Variants in RASGRP1 observed in about 807,000 individuals in gnomAD.
The protein encoded by RASGRP1 is RAS guanyl-releasing protein 1.
A neutral mutation model predicts 95.1 loss-of-function variants in RASGRP1; 37 were observed. The observed-to-expected ratio is 0.39, with a 90% CI of 0.30 to 0.51. The LOEUF (loss-of-function observed/expected upper bound fraction) is 0.51, where lower values mean the gene tolerates loss of function less well. Among genes scored for constraint, RASGRP1 ranks in the 20% least tolerant of loss-of-function variants. The probability of loss-of-function intolerance (pLI) is 0.80; values close to 1 mark genes in which losing one functional copy is unlikely to be tolerated. For synonymous variants in RASGRP1, 325 were observed against 353.4 expected (o/e 0.92, Z 0.90); for missense variants, 711 against 965.4 (o/e 0.74, Z 3.49).
chr15:38,555,119 T>C (rs1402220838), intron 2 of RASGRP1, among the ~76,000 whole-genome samples: 6 of 152,206 alleles, frequency 3.9e-5, no homozygotes, highest in Admixed American at 3.9e-4. Flanking sequence ...TGGCCCTGAG[T>C]GTGTGTTTGC....
chr15:38,516,647 T>C (rs1029193632), intron 5 of RASGRP1, among the ~76,000 whole-genome samples: 7 of 151,966 alleles, frequency 4.6e-5, no homozygotes, highest in African/African-American at 1.7e-4. Context: ...TCAGTTTCCT[T>C]GCCTTTGGTC....
At chr15:38,511,006 A>G (rs1891489280) in intron 8 of RASGRP1, among the ~76,000 whole-genome samples, 1 of 152,236 alleles carries the variant, frequency 6.6e-6, no homozygotes, top group Admixed American at 6.5e-5. Flanking sequence ...GTCATAAAAG[A>G]TAAAAGTATA....
At position 38,516,251 on chromosome 15, in the gene RASGRP1, T is replaced by G. The variant is rs1161641679; in HGVS notation, c.621A>C (p.Glu207Asp). Reference sequence around the variant, plus strand: ...GGTAGGTGAGGTGCTCGGATAGCTCTTCTGGTTCCAGATGGTCAAAGAGCA... The same window carrying G: ...GGTAGGTGAGGTGCTCGGATAGCTCGTCTGGTTCCAGATGGTCAAAGAGCA... ...VSLLFDHLEP[E>D]ELSEHLTYLE... is the part of the protein sequence containing the mutation. The change falls in exon 6 of 17, where the codon GAA (glutamate) becomes GAC (aspartate). Residue 207 changes from glutamate to aspartate, a missense_variant. This residue lies in a region of RASGRP1 where 491 missense variants were observed against 676.6 expected (regional missense o/e 0.73). Coordinates refer to ENST00000310803, the MANE Select transcript of RASGRP1 (RefSeq NM_005739.4). 6.2e-7 allele frequency: 1 copy of G among 1,602,914 alleles called. No homozygotes were observed. The highest frequency in any genetic ancestry group is 1.7e-5 in the Admixed American group (1 of 59,978).
chr15:38,494,441 T>G lies in RASGRP1; in HGVS notation c.2200A>C (p.Ile734Leu), dbSNP rs1566907311. ...TGACGGAGCTCCTCCTTTGATTTTA[T>G]GAGGGAGTCTTTATTCTCCCACTTG... ...FVKWENKDSL[I>L]KSKEELRHLR... Residue 734 changes from isoleucine (I) to leucine (L), a missense_variant, in exon 16 of 17, where the codon ATA (isoleucine) becomes CTA (leucine). This residue lies in a region of RASGRP1 where 212 missense variants were observed against 247.8 expected (regional missense o/e 0.86). Coordinates refer to ENST00000310803, the MANE Select transcript of RASGRP1 (RefSeq NM_005739.4). 1 of 1,613,636 alleles carries G rather than the reference T, an allele frequency of 6.2e-7. No homozygotes were observed. The highest frequency in any genetic ancestry group is 2.2e-5 in the East Asian group (1 of 44,856).
intron 2 of RASGRP1, among the ~76,000 whole-genome samples, chr15:38,550,998 A>G (rs927043409): frequency 6.6e-6 from 1 of 152,234 alleles, no homozygotes; most frequent in African/African-American, 2.4e-5. Flanking sequence ...GAACTAAATG[A>G]GACTACATAT....
intron 14 of RASGRP1, among the ~76,000 whole-genome samples, chr15:38,499,840 G>A (rs965492110): frequency 6.6e-6 from 1 of 152,172 alleles, no homozygotes; most frequent in Non-Finnish European, 1.5e-5. Flanking sequence ...GATAGTGAGT[G>A]ACTGCTCATG....
chr15:38,549,890 G>T (rs1157713059), intron 2 of RASGRP1, among the ~76,000 whole-genome samples: 2 of 152,016 alleles, frequency 1.3e-5, no homozygotes, highest in African/African-American at 2.4e-5. Context: ...CTGTGCTGCT[G>T]AAGAATCACA....
chr15:38,501,891 G>C (rs924913299), intron 12 of RASGRP1, among the ~76,000 whole-genome samples: 8 of 143,164 alleles, frequency 5.6e-5, no homozygotes, highest in African/African-American at 1.8e-4. Flanking sequence ...TTTTGCTCTT[G>C]TGGCCCAGGC....
intron 8 of RASGRP1, among the ~76,000 whole-genome samples, chr15:38,511,162 C>T (rs1032313565): frequency 3.3e-5 from 5 of 152,188 alleles, no homozygotes; most frequent in South Asian, 2.1e-4. Flanking sequence ...TGTCATTCTT[C>T]AAGGGTTCTG....
At position 38,546,480 on chromosome 15, in the gene RASGRP1, C is replaced by T. The variant is rs1332165853; in HGVS notation, c.220+13341G>A. 4.6e-5 allele frequency among the ~76,000 whole-genome samples: 7 copies of T among 152,128 alleles called. No homozygotes were observed. In the East Asian group the frequency reaches 7.7e-4, roughly 17 times the overall value. Reference sequence around the variant, plus strand: ...TGACCTCACGATTCGCCTGCCACCTCGGCCTCCCAAAGTGCTGGGATTACA... The same window carrying T: ...TGACCTCACGATTCGCCTGCCACCTTGGCCTCCCAAAGTGCTGGGATTACA... On this transcript the variant is annotated intron_variant, in intron 2 of 16. Transcript: ENST00000310803.
chr15:38,515,910 A>AGAGTGTGTGTGT lies in RASGRP1; in HGVS notation c.675+286_675+287insACACACACACTC, dbSNP rs779224083. On this transcript the variant is annotated intron_variant, in intron 6 of 16. Transcript: ENST00000310803. ...GACAGAGAGAGAGAGAGAGAGAGAG[A>AGAGTGTGTGTGT]GTGTGTGTGTGTGTGTGTGATGTGT... Among the ~76,000 whole-genome samples the AGAGTGTGTGTGT allele has an allele frequency of 4.8e-4, 69 of 143,456 alleles. 3 individuals are homozygous for AGAGTGTGTGTGT. Among genetic ancestry groups the AGAGTGTGTGTGT allele is most frequent in the Non-Finnish European group, 1.4e-4 (9 of 65,902 alleles). The allele number at this position is 143,456 out of a possible 152,430, so 94.1% of individuals were successfully genotyped here.
chr15:38,554,937 G>A (rs901768696), intron 2 of RASGRP1, among the ~76,000 whole-genome samples: 4 of 152,190 alleles, frequency 2.6e-5, no homozygotes, highest in African/African-American at 9.7e-5. Flanking sequence ...CACTACAACT[G>A]ACTTTGTTCC....
chr15:38,499,184 T>A lies in RASGRP1; in HGVS notation c.1721-238A>T, dbSNP rs1354206101. 3.0e-5 allele frequency: 20 copies of A among 660,784 alleles called. No individual in the cohort carries two copies. In the East Asian group the frequency reaches 6.1e-4, roughly 20 times the overall value. The allele number at this position is 660,784 out of a possible 1,614,324, so 40.9% of individuals were successfully genotyped here. A position where few individuals can be genotyped will look rare whatever the true frequency, so the allele number is the denominator to read the frequency against. ...CAGCATCAGAAGCAGTATCCTGATA[T>A]CTTGGAGGGAAGAGATGGTGTCCTG... On this transcript the variant is annotated intron_variant, in intron 14 of 16. Coordinates refer to ENST00000310803, the MANE Select transcript of RASGRP1 (RefSeq NM_005739.4).
intron 7 of RASGRP1, 110 bp from the exon 8 acceptor site, chr15:38,511,830 A>G: frequency 1.4e-6 from 1 of 727,568 alleles, no homozygotes; most frequent in Non-Finnish European, 2.4e-6. Context: ...ACGCTGGTTA[A>G]AGACTAGTTA....
intron 3 of RASGRP1, among the ~76,000 whole-genome samples, chr15:38,523,634 CCT>C (rs951843758): frequency 1.3e-5 from 2 of 152,162 alleles, no homozygotes; most frequent in African/African-American, 2.4e-5. Context: ...ACCACTCACC[CCT>C]GACTACCCAG....
At chr15:38,555,627 C>T (rs1200608297) in intron 2 of RASGRP1, among the ~76,000 whole-genome samples, 1 of 152,098 alleles carries the variant, frequency 6.6e-6, no homozygotes, top group Non-Finnish European at 1.5e-5. Context: ...TTTCAGTTCT[C>T]AAAGGTTTAT....
Position 38,560,015 on chromosome 15 carries a change from G to C in RASGRP1, c.36-10C>G, listed in dbSNP as rs767360335. On this transcript the variant is annotated splice_polypyrimidine_tract_variant and intron_variant, in intron 1 of 16. Coordinates refer to ENST00000310803, the MANE Select transcript of RASGRP1 (RefSeq NM_005739.4). ...GCCATGGGAAGGTTTCCTGGGGAAAGAGAGAAGGCAGTGAGGGGACAAACG... is the reference window on the plus strand; with the variant it reads ...GCCATGGGAAGGTTTCCTGGGGAAACAGAGAAGGCAGTGAGGGGACAAACG... 6.2e-7 allele frequency: 1 copy of C among 1,606,752 alleles called. No individual in the cohort carries two copies. Among genetic ancestry groups the C allele is most frequent in the East Asian group, 2.2e-5 (1 of 44,810 alleles).
intron 8 of RASGRP1, 124 bp from the exon 9 acceptor site, chr15:38,508,125 G>A: frequency 1.9e-6 from 2 of 1,060,174 alleles, no homozygotes; most frequent in East Asian, 5.2e-5. Flanking sequence ...TTGAGCAGGG[G>A]GTAATTCATG....
intron 3 of RASGRP1, among the ~76,000 whole-genome samples, chr15:38,520,561 C>G (rs1174027851): frequency 6.6e-6 from 1 of 152,104 alleles, no homozygotes; most frequent in Non-Finnish European, 1.5e-5. Context: ...TAATTAAGTG[C>G]TTTACACTTG....
Sources: allele counts gnomAD v4.1 joint callset (sites outside exome capture counted in the v4.1 genomes callset), GRCh38; gene constraint gnomAD v4.1.1; regional missense constraint gnomAD v4.1.1; transcripts MANE v1.5; gene names NCBI Gene and HGNC (gene_info 2026-07-23, HGNC 2026-07-21).